The following C16orf74 variants were observed in gnomAD, a reference collection of about 807,000 sequenced individuals.
The protein encoded by C16orf74 is calcimembrin, also known as uncharacterized protein C16orf74.
In C16orf74, 10 loss-of-function variants were observed where a neutral mutation model predicts 6.5. That is an observed-to-expected ratio of 1.54 (90% CI 0.95 to 2.61). C16orf74 has a LOEUF of 2.61. Ranked by LOEUF, C16orf74 falls within the 30% of genes most tolerant of loss-of-function variation. C16orf74 has a pLI of 0.00. For synonymous variants in C16orf74, 60 were observed against 42.5 expected (o/e 1.41, Z -1.60); for missense variants, 141 against 105.9 (o/e 1.33, Z -1.45).
chr16:85,722,465 T>G (rs1405301731), intron 2 of C16orf74, among the ~76,000 whole-genome samples: 1 of 152,124 alleles, frequency 6.6e-6, no homozygotes, highest in Non-Finnish European at 1.5e-5. Flanking sequence ...CTGGGCTGGA[T>G]TTGCAGCTCC....
At chr16:85,733,805 T>G (rs2152063646) in intron 2 of C16orf74, among the ~76,000 whole-genome samples, 1 of 152,142 alleles carries the variant, frequency 6.6e-6, no homozygotes, top group East Asian at 1.9e-4. Flanking sequence ...GTGGGCTGTT[T>G]GTGTCTGTCC....
In C16orf74 at chr16:85,708,067, C is replaced by A; in HGVS notation, c.173-1G>T. 1 of 1,553,148 alleles carries A rather than the reference C, an allele frequency of 6.4e-7. No homozygotes were observed. Among genetic ancestry groups the A allele is most frequent in the Admixed American group, 2.0e-5 (1 of 51,228 alleles). ...CACGACCCTGTCTCATCCAGCCAGA[C>A]TAGGAGAAAGAGGGGATGGACACCT... On this transcript the variant is annotated splice_acceptor_variant, in intron 3 of 3. Transcript: ENST00000284245. LOFTEE classifies it high-confidence loss of function.
chr16:85,736,917 G>A (rs2054251289), intron 1 of C16orf74, among the ~76,000 whole-genome samples: 1 of 152,146 alleles, frequency 6.6e-6, no homozygotes, highest in Non-Finnish European at 1.5e-5. Context: ...GGTGGTGGGT[G>A]CTTGTAATAC....
chr16:85,748,968 A>G (rs1215431786), intron 1 of C16orf74, among the ~76,000 whole-genome samples: 1 of 147,118 alleles, frequency 6.8e-6, no homozygotes, highest in Non-Finnish European at 1.5e-5. Context: ...TTTTTAGAGA[A>G]AGGAGTCTCA....
intron 1 of C16orf74, among the ~76,000 whole-genome samples, chr16:85,739,041 C>CAG (rs2054275065): frequency 6.6e-6 from 1 of 152,170 alleles, no homozygotes; most frequent in Non-Finnish European, 1.5e-5. Context: ...CCCCAGGGGA[C>CAG]AGAGCTTCCA....
At chr16:85,739,204 G>C (rs761520283) in intron 1 of C16orf74, among the ~76,000 whole-genome samples, 2 of 152,148 alleles carry the variant, frequency 1.3e-5, no homozygotes, top group Non-Finnish European at 1.5e-5. Context: ...AGAGCCCCAG[G>C]GCCTCTGCTG....
chr16:85,726,917 C>T (rs1204067581), intron 2 of C16orf74, among the ~76,000 whole-genome samples: 3 of 152,182 alleles, frequency 2.0e-5, no homozygotes, highest in Admixed American at 6.5e-5. Flanking sequence ...ACCCCTTCCC[C>T]GCTCTGTGCC....
chr16:85,718,205 G>A (rs2054044424), intron 2 of C16orf74, among the ~76,000 whole-genome samples: 1 of 152,150 alleles, frequency 6.6e-6, no homozygotes, highest in Admixed American at 6.6e-5. Flanking sequence ...AAAGTGCTGG[G>A]TGAAACTACA....
chr16:85,745,716 G>C (rs1476071638), intron 1 of C16orf74, among the ~76,000 whole-genome samples: 3 of 146,942 alleles, frequency 2.0e-5, no homozygotes, highest in African/African-American at 7.6e-5. Context: ...CAAAGACAGA[G>C]AATCTCCCGC....
At chr16:85,712,055 A>G (rs1296598216) in intron 2 of C16orf74, among the ~76,000 whole-genome samples, 7 of 152,300 alleles carry the variant, frequency 4.6e-5, no homozygotes, top group Non-Finnish European at 8.8e-5. Flanking sequence ...TCTCTCTTGG[A>G]ACACTTGCTC....
intron 3 of C16orf74, among the ~76,000 whole-genome samples, chr16:85,709,308 T>C (rs2053943740): frequency 6.6e-6 from 1 of 151,900 alleles, no homozygotes; most frequent in South Asian, 2.1e-4. Context: ...GAGCTGAGAG[T>C]GCACCACAGC....
intron 3 of C16orf74, 112 bp downstream of exon 3, chr16:85,710,052 T>G (rs2053952765): frequency 1.1e-6 from 1 of 881,726 alleles, no homozygotes; most frequent in Non-Finnish European, 1.6e-6. Context: ...ACGAACCCAG[T>G]GGGAGGTGGG....
chr16:85,734,430 G>T (rs187030556), intron 2 of C16orf74, among the ~76,000 whole-genome samples: 6 of 152,200 alleles, frequency 3.9e-5, no homozygotes, highest in Non-Finnish European at 4.4e-5. Flanking sequence ...GGTGGCCTCT[G>T]CCTGGAAGGG....
intron 1 of C16orf74, among the ~76,000 whole-genome samples, chr16:85,740,309 C>T (rs1487834468): frequency 6.6e-6 from 1 of 150,648 alleles, no homozygotes; most frequent in Non-Finnish European, 1.5e-5. Context: ...AATCCTAGCA[C>T]TTTGGGAGGC....
At chr16:85,739,016 G>A (rs1273402384) in intron 1 of C16orf74, among the ~76,000 whole-genome samples, 1 of 151,850 alleles carries the variant, frequency 6.6e-6, no homozygotes, top group African/African-American at 2.4e-5. Flanking sequence ...AGGCAGACCT[G>A]GGAAGTCTTG....
chr16:85,741,169 C>T (rs558369115), intron 1 of C16orf74, among the ~76,000 whole-genome samples: 2 of 152,296 alleles, frequency 1.3e-5, no homozygotes, highest in South Asian at 2.1e-4. Flanking sequence ...GGGCAGGATG[C>T]GGGCGGCAGC....
chr16:85,742,106 C>G (rs2054315291), intron 1 of C16orf74, among the ~76,000 whole-genome samples: 1 of 152,186 alleles, frequency 6.6e-6, no homozygotes, highest in Admixed American at 6.5e-5. Context: ...GGCGTGGTGG[C>G]TCACGCCTGT....
chr16:85,746,079 G>A (rs2054370337), intron 1 of C16orf74, among the ~76,000 whole-genome samples: 1 of 152,166 alleles, frequency 6.6e-6, no homozygotes, highest in African/African-American at 2.4e-5. Flanking sequence ...GGGTGCGGTG[G>A]CTCATTCCTG....
chr16:85,743,504 G>C (rs1460840455), intron 1 of C16orf74: 2 of 152,162 alleles, frequency 1.3e-5, no homozygotes, highest in African/African-American at 4.8e-5. Flanking sequence ...TACAGCTCTG[G>C]GCTGCCAGAC....
Sources: gnomAD v4.1 joint callset for allele counts (sites outside exome capture counted in the v4.1 genomes callset) on GRCh38, gnomAD v4.1.1 for gene constraint, MANE v1.5 for transcripts, NCBI Gene and HGNC (gene_info 2026-07-23, HGNC 2026-07-21) for gene names.